Variants in GABRB3 observed in about 807,000 individuals in gnomAD.
GABRB3 encodes the protein gamma-aminobutyric acid receptor subunit beta-3.
In GABRB3, 14 loss-of-function variants were observed where a neutral mutation model predicts 52.1. The ratio of observed to expected loss-of-function variants is 0.27; its 90% CI spans 0.18 to 0.42. GABRB3 has a LOEUF of 0.42. Among genes scored for constraint, GABRB3 ranks in the 10% least tolerant of loss-of-function variants. The pLI is 1.00. For missense variants in GABRB3, 307 were observed against 609.1 expected (o/e 0.50, Z 5.22); for synonymous variants, 260 against 232.3 (o/e 1.12, Z -1.08).
chr15:26,654,531 G>A (rs1332196615), intron 3 of GABRB3, among the ~76,000 whole-genome samples: 3 of 152,114 alleles, frequency 2.0e-5, no homozygotes, highest in Non-Finnish European at 4.4e-5. Context: ...GAGGCAGGAG[G>A]ACTGCTTGAG....
At chr15:26,556,032 T>C (rs555678842) in intron 8 of GABRB3, among the ~76,000 whole-genome samples, 13 of 152,198 alleles carry the variant, frequency 8.5e-5, no homozygotes, top group Non-Finnish European at 1.5e-4. Context: ...CGTCTTAAAG[T>C]AGAAAGAAGC....
At chr15:26,684,512 G>C (rs1259837144) in intron 3 of GABRB3, among the ~76,000 whole-genome samples, 1 of 152,182 alleles carries the variant, frequency 6.6e-6, no homozygotes, top group Non-Finnish European at 1.5e-5. Context: ...GGTGCAAGAA[G>C]CCTAGCTTTC....
At chr15:26,665,432 T>C (rs536435363) in intron 3 of GABRB3, among the ~76,000 whole-genome samples, 1 of 152,340 alleles carries the variant, frequency 6.6e-6, no homozygotes, top group African/African-American at 2.4e-5. Flanking sequence ...GATGTAAACA[T>C]AAAATTAAAG....
chr15:26,769,745 C>A (rs1331845007), intron 3 of GABRB3, among the ~76,000 whole-genome samples: 9 of 152,148 alleles, frequency 5.9e-5, no homozygotes. Context: ...TTCCTCCCAG[C>A]CAGCTTCTCT....
chr15:26,554,888 G>A (rs1460836426), intron 8 of GABRB3, among the ~76,000 whole-genome samples: 1 of 152,110 alleles, frequency 6.6e-6, no homozygotes, highest in Non-Finnish European at 1.5e-5. Flanking sequence ...AAAAAGTCAA[G>A]GAAACTGTTG....
chr15:26,570,905 T>A (rs927388101), intron 6 of GABRB3, among the ~76,000 whole-genome samples: 23 of 151,510 alleles, frequency 1.5e-4, no homozygotes, highest in African/African-American at 5.6e-4. Context: ...TGTGAGGTAA[T>A]TTTTTTTATA....
At chr15:26,748,003 G>A (rs1890397544) in intron 3 of GABRB3, among the ~76,000 whole-genome samples, 1 of 109,862 alleles carries the variant, frequency 9.1e-6, no homozygotes, top group African/African-American at 4.0e-5. Flanking sequence ...TCTTTAGCCT[G>A]TCAATACTGT....
At chr15:26,623,168 C>T (rs886709756) in intron 3 of GABRB3, among the ~76,000 whole-genome samples, 12 of 152,162 alleles carry the variant, frequency 7.9e-5, no homozygotes, top group Admixed American at 2.6e-4. Context: ...TGGAGTGTTG[C>T]TCTTAAGGGT....
chr15:26,695,081 G>A (rs8032676), intron 3 of GABRB3, among the ~76,000 whole-genome samples: 4,853 of 152,010 alleles, frequency 0.032, 204 homozygotes, highest in African/African-American at 0.087. Flanking sequence ...TATAACAAAC[G>A]TATATGTAAT....
intron 3 of GABRB3, among the ~76,000 whole-genome samples, chr15:26,713,740 A>C (rs1197674755): frequency 6.6e-6 from 1 of 152,174 alleles, no homozygotes; most frequent in Admixed American, 6.5e-5. Flanking sequence ...CCATCTGGGC[A>C]CTGGTTGCAT....
At chr15:26,715,085 G>T (rs1364368034) in intron 3 of GABRB3, among the ~76,000 whole-genome samples, 1 of 152,122 alleles carries the variant, frequency 6.6e-6, no homozygotes, top group African/African-American at 2.4e-5. Context: ...GGGCAAGAGG[G>T]GGCCATGGGC....
intron 2 of GABRB3, 37 bp from the exon 3 acceptor site, chr15:26,772,506 C>T: frequency 1.2e-6 from 2 of 1,601,032 alleles, no homozygotes; most frequent in African/African-American, 1.3e-5. Context: ...CAGCCCAGCT[C>T]CGGCGCGGGG....
intron 3 of GABRB3, among the ~76,000 whole-genome samples, chr15:26,642,866 A>G (rs2140575407): frequency 6.6e-6 from 1 of 152,262 alleles, no homozygotes; most frequent in African/African-American, 2.4e-5. Context: ...CAAGTTTATA[A>G]AAGAAATATG....
At chr15:26,734,823 G>C (rs1010432222) in intron 3 of GABRB3, among the ~76,000 whole-genome samples, 5 of 152,028 alleles carry the variant, frequency 3.3e-5, no homozygotes, top group Admixed American at 6.6e-5. Context: ...CAACTACATG[G>C]GAGGATGGCT....
chr15:26,708,942 T>G (rs977113799), intron 3 of GABRB3, among the ~76,000 whole-genome samples: 21 of 152,236 alleles, frequency 1.4e-4, no homozygotes, highest in African/African-American at 4.8e-4. Context: ...ATGTGTTAGC[T>G]ATTACTATTA....
chr15:26,772,142 G>A (rs1566837810), intron 3 of GABRB3: 1 of 398,364 alleles, frequency 2.5e-6, no homozygotes, highest in Non-Finnish European at 4.4e-6. Flanking sequence ...AGCGGCAGAT[G>A]GGAGCACTAG....
chr15:26,616,611 A>G (rs1892267401), intron 4 of GABRB3, among the ~76,000 whole-genome samples: 1 of 152,050 alleles, frequency 6.6e-6, no homozygotes, highest in Non-Finnish European at 1.5e-5. Context: ...TTGAAAAAAA[A>G]AAAAACCAGC....
chr15:26,741,863 G>A (rs1276263964), intron 3 of GABRB3, among the ~76,000 whole-genome samples: 2 of 152,116 alleles, frequency 1.3e-5, no homozygotes, highest in African/African-American at 2.4e-5. Context: ...TCCTGCCTTG[G>A]CCCTCCTCAC....
rs576933177 is a variant in GABRB3 at position 26,544,155 on chromosome 15, A to T, written c.*3638T>A. On this transcript the variant is annotated 3_prime_UTR_variant, in exon 9 of 9. Coordinates refer to ENST00000311550, the MANE Select transcript of GABRB3 (RefSeq NM_000814.6). ...GAAATATGAACTGGTTTTCAGGTGG[A>T]GAGTTAAAATAAGAATTAAGTGATG... The T allele has an allele frequency of 2.9e-4, 44 of 152,662 alleles. No individual in the cohort carries two copies. Among genetic ancestry groups the T allele is most frequent in the African/African-American group, 1.1e-3 (44 of 41,556 alleles). 9.5% of individuals were successfully genotyped at this position (152,662 alleles called of 1,614,324 possible). A position where few individuals can be genotyped will look rare whatever the true frequency, so the allele number is the denominator to read the frequency against.
Sources: gnomAD v4.1 joint callset for allele counts (sites outside exome capture counted in the v4.1 genomes callset) on GRCh38, gnomAD v4.1.1 for gene constraint, MANE v1.5 for transcripts, NCBI Gene and HGNC (gene_info 2026-07-23, HGNC 2026-07-21) for gene names.